IDO2: variants seen among roughly 807,000 people sequenced by gnomAD.
The protein encoded by IDO2 is indoleamine 2,3-dioxygenase 2.
Under a neutral mutation model 45.1 loss-of-function variants are expected in IDO2, and 46 were observed. That is an observed-to-expected ratio of 1.02 (90% CI 0.80 to 1.30). IDO2 has a LOEUF of 1.30. Ranked by LOEUF, IDO2 falls within the 50% of genes most tolerant of loss-of-function variation. The pLI is 0.00. For missense variants in IDO2, 544 were observed against 491.8 expected (o/e 1.11, Z -1.00); for synonymous variants, 218 against 184.9 (o/e 1.18, Z -1.45).
At chr8:39,955,358 G>C (rs980654262) in intron 2 of IDO2, among the ~76,000 whole-genome samples, 1 of 146,922 alleles carries the variant, frequency 6.8e-6, no homozygotes, top group African/African-American at 2.5e-5. Context: ...GGGTTCAAGT[G>C]ATTCTCCTGC....
At chr8:40,012,166 G>T (rs923197490) in intron 9 of IDO2, among the ~76,000 whole-genome samples, 1 of 152,136 alleles carries the variant, frequency 6.6e-6, no homozygotes, top group African/African-American at 2.4e-5. Flanking sequence ...TGGTGTGTGT[G>T]TATGTCCCTT....
intron 3 of IDO2, among the ~76,000 whole-genome samples, chr8:39,965,526 T>TATA (rs371238654): frequency 0.17 from 26,238 of 151,808 alleles, 2,788 homozygotes; most frequent in South Asian, 0.31. Context: ...ATATATATAT[T>TATA]AAAATACAAA....
At chr8:40,016,200 T>C (rs1257676404) in exon 11 of IDO2, 3 of 397,834 alleles carry the variant, frequency 7.5e-6, no homozygotes, top group African/African-American at 6.2e-5. Flanking sequence ...GGATGAGACT[T>C]TCCACGTGGT....
At chr8:40,003,023 A>T (rs1452941897) in intron 8 of IDO2, among the ~76,000 whole-genome samples, 1 of 152,172 alleles carries the variant, frequency 6.6e-6, no homozygotes, top group Non-Finnish European at 1.5e-5. Flanking sequence ...CATGGCCTGA[A>T]ATATATCCAG....
At chr8:39,947,171 CA>C (rs55785952) in intron 1 of IDO2, among the ~76,000 whole-genome samples, 26,184 of 79,352 alleles carry the variant, frequency 0.33, 1,830 homozygotes, top group Non-Finnish European at 0.39. Context: ...GCTAAGGTAT[CA>C]AAAAAAAAAA....
intron 3 of IDO2, among the ~76,000 whole-genome samples, chr8:39,976,125 G>A (rs1808256638): frequency 6.6e-6 from 1 of 151,986 alleles, no homozygotes; most frequent in Non-Finnish European, 1.5e-5. Flanking sequence ...GACTACAGGT[G>A]TGCACCACCA....
At chr8:39,991,758 A>T (rs1438786521) in intron 8 of IDO2, among the ~76,000 whole-genome samples, 1 of 151,914 alleles carries the variant, frequency 6.6e-6, no homozygotes, top group Non-Finnish European at 1.5e-5. Flanking sequence ...TTTAGTAGAG[A>T]TGGGGTTTCG....
At chr8:39,975,945 A>G (rs2129594255) in intron 3 of IDO2, among the ~76,000 whole-genome samples, 1 of 152,300 alleles carries the variant, frequency 6.6e-6, no homozygotes, top group Middle Eastern at 3.4e-3. Context: ...TATTCAGTAT[A>G]ATTCTATTAT....
chr8:39,984,146 G>T (rs1808391315), intron 5 of IDO2, among the ~76,000 whole-genome samples: 1 of 152,160 alleles, frequency 6.6e-6, no homozygotes, highest in South Asian at 2.1e-4. Flanking sequence ...AGAGAAGGTT[G>T]AAGGGAAAAA....
chr8:39,962,465 C>T (rs1808013428), intron 2 of IDO2, among the ~76,000 whole-genome samples: 1 of 152,204 alleles, frequency 6.6e-6, no homozygotes, highest in Non-Finnish European at 1.5e-5. Context: ...ATATATTCTA[C>T]ACACAGCACA....
At chr8:39,944,655 A>G (rs1807704919) in intron 1 of IDO2, among the ~76,000 whole-genome samples, 1 of 152,180 alleles carries the variant, frequency 6.6e-6, no homozygotes, top group African/African-American at 2.4e-5. Context: ...TCACCTTGTA[A>G]TAGTCTTAAA....
chr8:39,953,585 A>T (rs765970982), intron 2 of IDO2, among the ~76,000 whole-genome samples: 3 of 151,990 alleles, frequency 2.0e-5, no homozygotes, highest in Non-Finnish European at 4.4e-5. Flanking sequence ...TATTTTTGAG[A>T]CAGAGTCCGC....
At chr8:39,979,757 ATGTT>A (rs1272821574) in intron 4 of IDO2, among the ~76,000 whole-genome samples, 6 of 151,942 alleles carry the variant, frequency 3.9e-5, no homozygotes, top group African/African-American at 1.2e-4. Flanking sequence ...AAGCTTTTGA[ATGTT>A]TGTTTGTTTG....
intron 3 of IDO2, among the ~76,000 whole-genome samples, chr8:39,973,419 C>A (rs1808209730): frequency 6.6e-6 from 1 of 152,018 alleles, no homozygotes; most frequent in African/African-American, 2.4e-5. Flanking sequence ...ATAACAGGAG[C>A]CTGGTCTTCT....
chr8:39,935,335 A>G (rs1431284034), intron 1 of IDO2, 117 bp downstream of exon 1: 4 of 880,120 alleles, frequency 4.5e-6, no homozygotes, highest in African/African-American at 3.4e-5. Flanking sequence ...TAAAATTCCT[A>G]ATTATGTTTC....
intron 3 of IDO2, 70 bp from the exon 4 acceptor site, chr8:39,978,997 C>G: frequency 6.7e-7 from 1 of 1,493,512 alleles, no homozygotes; most frequent in South Asian, 1.2e-5. Context: ...TCCCAGGTCC[C>G]CGGCCCCCGT....
intron 2 of IDO2, among the ~76,000 whole-genome samples, chr8:39,958,563 A>T (rs1807939002): frequency 6.6e-6 from 1 of 152,052 alleles, no homozygotes; most frequent in Non-Finnish European, 1.5e-5. Flanking sequence ...CATCAAACTA[A>T]TTTTTGTATT....
intron 2 of IDO2, among the ~76,000 whole-genome samples, chr8:39,959,058 A>T (rs1201963363): frequency 6.6e-6 from 1 of 151,554 alleles, no homozygotes; most frequent in Non-Finnish European, 1.5e-5. Context: ...ACTTCTTAGT[A>T]TTGATTAATA....
intron 2 of IDO2, among the ~76,000 whole-genome samples, chr8:39,954,535 C>A (rs184827014): frequency 1.1e-4 from 16 of 151,782 alleles, no homozygotes; most frequent in Admixed American, 1.3e-4. Flanking sequence ...ATCAAGGTGT[C>A]GTGGAGTTGG....
Sources: allele counts gnomAD v4.1 joint callset (sites outside exome capture counted in the v4.1 genomes callset), GRCh38; gene constraint gnomAD v4.1.1; transcripts MANE v1.5; gene names NCBI Gene and HGNC (gene_info 2026-07-23, HGNC 2026-07-21).